Variants in FAM193A observed in about 807,000 individuals in gnomAD.
The protein encoded by FAM193A is family with sequence similarity 193 member A, also known as protein FAM193A.
In FAM193A, 22 loss-of-function variants were observed where a neutral mutation model predicts 126.5. That is an observed-to-expected ratio of 0.17 (90% CI 0.12 to 0.25). The LOEUF (loss-of-function observed/expected upper bound fraction) is 0.25. Ranked by LOEUF, FAM193A falls within the 10% of genes least tolerant of loss-of-function variation. The pLI, the probability that FAM193A is intolerant of heterozygous loss-of-function variation, is 1.00. For missense variants in FAM193A, 1,675 were observed against 1,672.8 expected (o/e 1.00, Z -0.02); for synonymous variants, 761 against 646.8 (o/e 1.18, Z -2.68).
rs547257139 is a variant in FAM193A, at chr4:2,621,775, G to C, written c.502-3487G>C. On this transcript the variant is annotated intron_variant, in intron 2 of 20. Transcript: ENST00000637812. ...AGTGGACAACTTTGCTGTTAGATGGGCGTGGGATGGAGGAGAGCGTGAACC... is the reference window on the plus strand; with the variant it reads ...AGTGGACAACTTTGCTGTTAGATGGCCGTGGGATGGAGGAGAGCGTGAACC... 5.9e-5 allele frequency among the ~76,000 whole-genome samples: 9 copies of C among 152,234 alleles called. No individual in the cohort carries two copies. In the South Asian group the frequency reaches 1.7e-3, roughly 28 times the overall value.
In FAM193A at chr4:2,659,853, G is replaced by A. The variant is rs928165230; in HGVS notation, c.1544G>A (p.Cys515Tyr). 1 of 1,614,016 alleles carries A rather than the reference G, an allele frequency of 6.2e-7. No homozygotes were observed. Among genetic ancestry groups the A allele is most frequent in the Non-Finnish European group, 8.5e-7 (1 of 1,180,040 alleles). ...TGCAGTCTCTCACACATCCTCACGTGTGGTATCATGGACCCCCCCGTCACT... is the reference window on the plus strand; with the variant it reads ...TGCAGTCTCTCACACATCCTCACGTATGGTATCATGGACCCCCCCGTCACT... ...DDCSLSHILT[C>Y]GIMDPPVTDD... The change falls in exon 10 of 21, where the codon TGT becomes TAT. Residue 515 changes from cysteine (C) to tyrosine (Y), a missense_variant. Cys to Tyr is a radical substitution (Grantham distance 194, BLOSUM62 -2). This residue lies in a region of FAM193A where 1,186 missense variants were observed against 1,109.2 expected (regional missense o/e 1.07). Coordinates refer to ENST00000637812, the MANE Select transcript of FAM193A (RefSeq NM_001366318.2).
chr4:2,698,524 G>A (rs1717306670), intron 18 of FAM193A, among the ~76,000 whole-genome samples: 1 of 152,140 alleles, frequency 6.6e-6, no homozygotes, highest in Non-Finnish European at 1.5e-5. Flanking sequence ...ACATACCATT[G>A]TTAAATTTTT....
At chr4:2,672,786 A>C (rs1172589079) in intron 13 of FAM193A, among the ~76,000 whole-genome samples, 1 of 152,226 alleles carries the variant, frequency 6.6e-6, no homozygotes, top group African/African-American at 2.4e-5. Context: ...TGGACTCTAC[A>C]GGGTCTAAAA....
chr4:2,705,724 G>A (rs1718229723), intron 19 of FAM193A, among the ~76,000 whole-genome samples: 2 of 151,652 alleles, frequency 1.3e-5, no homozygotes, highest in African/African-American at 4.8e-5. Context: ...TGAGTAGCTG[G>A]GACTACAGGC....
At chr4:2,572,844 A>G (rs977509661) in intron 1 of FAM193A, among the ~76,000 whole-genome samples, 1 of 149,844 alleles carries the variant, frequency 6.7e-6, no homozygotes, top group Non-Finnish European at 1.5e-5. Flanking sequence ...ATAACAACGG[A>G]AGGCAGATAG....
chr4:2,584,425 C>CAAA (rs371307978), intron 1 of FAM193A, among the ~76,000 whole-genome samples: 6 of 60,898 alleles, frequency 9.9e-5, no homozygotes, highest in Admixed American at 3.9e-4. Context: ...GATTCCGTCT[C>CAAA]AAAAAAAAAA....
chr4:2,619,970 C>T (rs1184356560), intron 2 of FAM193A, among the ~76,000 whole-genome samples: 1 of 152,092 alleles, frequency 6.6e-6, no homozygotes, highest in Non-Finnish European at 1.5e-5. Context: ...GGATTACAAG[C>T]GTGAGCCACT....
chr4:2,564,592 A>G (rs140819361), intron 1 of FAM193A, among the ~76,000 whole-genome samples: 26 of 152,260 alleles, frequency 1.7e-4, no homozygotes, highest in East Asian at 3.9e-4. Flanking sequence ...AAAAAGTGCT[A>G]TTTTTCCAAT....
At chr4:2,669,644 T>G (rs538946879) in intron 12 of FAM193A, among the ~76,000 whole-genome samples, 2 of 152,128 alleles carry the variant, frequency 1.3e-5, no homozygotes, top group Non-Finnish European at 2.9e-5. Context: ...GAGTGGTTGT[T>G]TTTAGGAATA....
At position 2,619,534 on chromosome 4, in the gene FAM193A, AT is replaced by A. The variant is rs376972675; in HGVS notation, c.502-5723del. Among the ~76,000 whole-genome samples the A allele has an allele frequency of 2.8e-4, 43 of 151,862 alleles. 1 individual carries two copies. The highest frequency in any genetic ancestry group is 1.0e-3 in the African/African-American group (43 of 41,398). ...TTGTATTTTTAGTAGAGGTGGGGTA[AT>A]TTTTGTATTTTTAGTAGAGATGGGG... On this transcript the variant is annotated intron_variant, in intron 2 of 20. Transcript: ENST00000637812.
intron 3 of FAM193A, 56 bp downstream of exon 3, chr4:2,625,451 G>T (rs547613683): frequency 2.9e-5 from 19 of 650,994 alleles, no homozygotes; most frequent in Middle Eastern, 3.3e-4. Flanking sequence ...ATGCAGACCT[G>T]CATATTGGAG....
At chr4:2,604,118 C>T (rs1464411113) in intron 2 of FAM193A, among the ~76,000 whole-genome samples, 1 of 152,174 alleles carries the variant, frequency 6.6e-6, no homozygotes, top group African/African-American at 2.4e-5. Context: ...GCTGAAATTA[C>T]AGGGGTGAGC....
intron 7 of FAM193A, chr4:2,655,271 A>G (rs908177788): frequency 2.6e-5 from 12 of 466,426 alleles, no homozygotes; most frequent in African/African-American, 1.9e-4. Flanking sequence ...AATTGATGGT[A>G]TGATTTTTCT....
intron 14 of FAM193A, 71 bp downstream of exon 14, chr4:2,689,775 TC>T: frequency 1.7e-6 from 2 of 1,156,692 alleles, no homozygotes; most frequent in East Asian, 2.7e-5. Flanking sequence ...TGCCGTAGTC[TC>T]CCGTGGAAGC....
At chr4:2,626,888 C>T (rs2108982672) in intron 4 of FAM193A, among the ~76,000 whole-genome samples, 1 of 152,284 alleles carries the variant, frequency 6.6e-6, no homozygotes, top group Admixed American at 6.5e-5. Flanking sequence ...AGGGATGATG[C>T]AGAGTACTTT....
chr4:2,573,856 C>T (rs1022445220), intron 1 of FAM193A, among the ~76,000 whole-genome samples: 2 of 152,064 alleles, frequency 1.3e-5, no homozygotes, highest in African/African-American at 4.8e-5. Flanking sequence ...ATGAGGGGTG[C>T]ACCCGGCTCT....
chr4:2,637,098 G>A (rs141460218), intron 5 of FAM193A, among the ~76,000 whole-genome samples: 25 of 152,292 alleles, frequency 1.6e-4, no homozygotes, highest in African/African-American at 6.0e-4. Flanking sequence ...AGGCCAAGGT[G>A]GGTGGATTAC....
At chr4:2,546,973 G>A (rs1737601385) in intron 1 of FAM193A, among the ~76,000 whole-genome samples, 1 of 152,120 alleles carries the variant, frequency 6.6e-6, no homozygotes, top group South Asian at 2.1e-4. Flanking sequence ...TAGTAGAGAT[G>A]GGGTTTTGCC....
intron 7 of FAM193A, chr4:2,655,179 C>T (rs1711531591): frequency 1.6e-6 from 1 of 636,228 alleles, no homozygotes; most frequent in Non-Finnish European, 2.9e-6. Flanking sequence ...ACTTTTGATA[C>T]TTTCTAGCAA....
Sources: gnomAD v4.1 joint callset for allele counts (sites outside exome capture counted in the v4.1 genomes callset) on GRCh38, gnomAD v4.1.1 for gene constraint, gnomAD v4.1.1 regional missense constraint, MANE v1.5 for transcripts, NCBI Gene and HGNC (gene_info 2026-07-23, HGNC 2026-07-21) for gene names.